LTF: variants seen among roughly 807,000 people sequenced by gnomAD.
LTF encodes the protein lactotransferrin.
Under a neutral mutation model 87.2 loss-of-function variants are expected in LTF, and 91 were observed. The observed-to-expected ratio is 1.04, with a 90% confidence interval of 0.88 to 1.24. The LOEUF is 1.24. LTF is among the 50% of genes most tolerant of loss of function. The pLI is 0.00. For missense variants in LTF, 901 were observed against 904.3 expected (o/e 1.00, Z 0.05); for synonymous variants, 378 against 356.1 (o/e 1.06, Z -0.69).
chr3:46,442,850 C>T (rs1034225916), intron 13 of LTF, among the ~76,000 whole-genome samples: 3 of 152,090 alleles, frequency 2.0e-5, no homozygotes, highest in African/African-American at 7.2e-5. Flanking sequence ...TAAATAGTGC[C>T]CCTGAGAAGC....
intron 1 of LTF, among the ~76,000 whole-genome samples, chr3:46,474,609 A>G (rs1198081011): frequency 6.6e-6 from 1 of 152,206 alleles, no homozygotes; most frequent in Non-Finnish European, 1.5e-5. Flanking sequence ...GAACTGAATC[A>G]ACATTTATAG....
intron 1 of LTF, among the ~76,000 whole-genome samples, chr3:46,482,855 A>G (rs1360325121): frequency 6.6e-6 from 1 of 151,950 alleles, no homozygotes; most frequent in Non-Finnish European, 1.5e-5. Context: ...GGGACAAGAG[A>G]CAGACAGAGA....
chr3:46,467,352 C>T (rs1400254949), upstream of LTF, among the ~76,000 whole-genome samples: 1 of 152,078 alleles, frequency 6.6e-6, no homozygotes, highest in Admixed American at 6.5e-5. Context: ...ACTTCTATCA[C>T]AGAGGCTCCC....
chr3:46,467,866 A>C (rs572526463), upstream of LTF, among the ~76,000 whole-genome samples: 6 of 152,076 alleles, frequency 3.9e-5, no homozygotes, highest in South Asian at 6.2e-4. Context: ...CTCCTCCTCT[A>C]TCCTGAGCTC....
Position 46,450,619 on chromosome 3 carries a change from T to C in LTF, c.758A>G (p.Asn253Ser). 6.2e-7 allele frequency: 1 copy of C among 1,614,138 alleles called. No homozygotes were observed. Among genetic ancestry groups the C allele is most frequent in the Non-Finnish European group, 8.5e-7 (1 of 1,180,020 alleles). ...RDEYELLCPDNTRKPVDKFKD... is the reference protein window; with the variant it reads ...RDEYELLCPDSTRKPVDKFKD... ...GAACTTGTCCACTGGCTTCCGAGTG[T>C]TGTCTGGGCAGAGTAACTCATACTC... Residue 253 changes from asparagine (N) to serine (S), a missense_variant, in exon 7 of 17, where the codon AAC becomes AGC. Coordinates refer to ENST00000231751, the MANE Select transcript of LTF (RefSeq NM_002343.6).
intron 13 of LTF, chr3:46,441,723 A>T: frequency 2.2e-6 from 1 of 452,770 alleles, no homozygotes; most frequent in Non-Finnish European, 3.9e-6. Context: ...CGACCCAGGA[A>T]ACAGGCAATC....
intron 9 of LTF, among the ~76,000 whole-genome samples, chr3:46,447,617 C>T (rs1395958368): frequency 6.6e-6 from 1 of 152,214 alleles, no homozygotes; most frequent in Non-Finnish European, 1.5e-5. Flanking sequence ...ACTGGAAAGA[C>T]CAGGCACAGG....
At chr3:46,468,784 G>A (rs1197462475), upstream of LTF, among the ~76,000 whole-genome samples, 2 of 152,250 alleles carry the variant, frequency 1.3e-5, no homozygotes, top group Non-Finnish European at 2.9e-5. Flanking sequence ...CCTGCCAGTG[G>A]TGAGAGATTG....
At chr3:46,439,909 CA>C (rs10717285) in intron 14 of LTF, among the ~76,000 whole-genome samples, 23,369 of 145,148 alleles carry the variant, frequency 0.16, 4,331 homozygotes, top group African/African-American at 0.44. Context: ...GACCTCATCT[CA>C]AAAAAAAAAA....
intron 1 of LTF, among the ~76,000 whole-genome samples, chr3:46,464,075 C>T (rs1393538336): frequency 6.6e-6 from 1 of 152,192 alleles, no homozygotes; most frequent in Admixed American, 6.5e-5. Flanking sequence ...CTTTCTGCTG[C>T]GGCCTGGGAC....
At chr3:46,485,190 C>T (rs1276041631) in exon 1 of LTF, 2 of 152,418 alleles carry the variant, frequency 1.3e-5, no homozygotes, top group African/African-American at 2.4e-5. Flanking sequence ...CTTTGTTCCC[C>T]TCAGTGCCCG....
At position 46,448,951 on chromosome 3, in the gene LTF, C is replaced by G. The variant is rs771703065; in HGVS notation, c.1124G>C (p.Arg375Pro). The stretch of plus-strand genomic sequence containing the variant: ...CAAGCCACTCCACTGGTTACACTTG[C>G]GCAGCTCCTGCTCGCCCACCGCACA... ...VWCAVGEQEL[R>P]KCNQWSGLSE... Residue 375 changes from arginine to proline, a missense_variant, in exon 9 of 17, where the codon CGC (arginine) becomes CCC (proline). Coordinates refer to ENST00000231751, the MANE Select transcript of LTF (RefSeq NM_002343.6). The G allele has an allele frequency of 6.2e-7, 1 of 1,613,462 alleles. No individual in the cohort carries two copies. The highest frequency in any genetic ancestry group is 1.3e-5 in the African/African-American group (1 of 74,862).
At chr3:46,473,949 T>G (rs984912832) in intron 1 of LTF, among the ~76,000 whole-genome samples, 1 of 152,204 alleles carries the variant, frequency 6.6e-6, no homozygotes, top group East Asian at 1.9e-4. Context: ...AACCACTACG[T>G]AACCTATACA....
chr3:46,451,208 T>C (rs1171784579), intron 6 of LTF, among the ~76,000 whole-genome samples: 2 of 152,234 alleles, frequency 1.3e-5, no homozygotes, highest in Non-Finnish European at 2.9e-5. Context: ...CTTCAGAATG[T>C]GTAAAGTGAA....
At position 46,459,781 on chromosome 3, in the gene LTF, A is replaced by C. The variant is rs1420212296; in HGVS notation, c.82T>G (p.Cys28Gly). Residue 28 changes from cysteine (C) to glycine (G), a missense_variant, in exon 2 of 17, where the codon TGC becomes GGC. By Grantham distance (159) the Cys-to-Gly change is radical. Coordinates refer to ENST00000231751, the MANE Select transcript of LTF (RefSeq NM_002343.6). ...GTGGCCTCGGGTTGGGATACGGCGC[A>C]CCACTGAACACTCCTCCTACGGCCA... ...LAGRRRSVQW[C>G]AVSQPEATKC... 4.1e-6 allele frequency: 6 copies of C among 1,450,792 alleles called. No homozygotes were observed. The highest frequency in any genetic ancestry group is 5.4e-6 in the Non-Finnish European group (6 of 1,113,166). The allele number at this position is 1,450,792 out of a possible 1,614,324, so 89.9% of individuals were successfully genotyped here. A position where few individuals can be genotyped will look rare whatever the true frequency, so the allele number is the denominator to read the frequency against.
chr3:46,475,418 G>A (rs981825859), intron 1 of LTF, among the ~76,000 whole-genome samples: 17 of 151,980 alleles, frequency 1.1e-4, no homozygotes, highest in South Asian at 2.1e-4. Context: ...CATGAGGCCC[G>A]TTTGTTAGCA....
chr3:46,446,797 A>G (rs1194104349), intron 10 of LTF, among the ~76,000 whole-genome samples: 2 of 152,238 alleles, frequency 1.3e-5, no homozygotes, highest in Non-Finnish European at 2.9e-5. Context: ...AGGTGGATGA[A>G]AAGCATAACG....
intron 3 of LTF, 138 bp downstream of exon 3, chr3:46,456,152 C>A: frequency 1.1e-6 from 1 of 919,028 alleles, no homozygotes. Context: ...TCATCTGGCC[C>A]AGAGCCCAGC....
intron 12 of LTF, 36 bp downstream of exon 12, chr3:46,445,245 G>T (rs370285944): frequency 3.2e-6 from 5 of 1,577,078 alleles, no homozygotes; most frequent in South Asian, 1.2e-5. Context: ...CTACCCTCCA[G>T]GGTGGCCCAC....
Sources: allele counts gnomAD v4.1 joint callset (sites outside exome capture counted in the v4.1 genomes callset), GRCh38; gene constraint gnomAD v4.1.1; transcripts MANE v1.5; gene names NCBI Gene and HGNC (gene_info 2026-07-23, HGNC 2026-07-21).